RPH3A: variants seen among roughly 807,000 people sequenced by gnomAD.
RPH3A encodes the protein rabphilin 3A, also known as rabphilin-3A.
RPH3A carries 48 observed loss-of-function variants against 102.2 expected under a neutral mutation model. The ratio of observed to expected loss-of-function variants is 0.47; its 90% CI spans 0.37 to 0.60. The LOEUF (loss-of-function observed/expected upper bound fraction) is 0.60. RPH3A is among the 20% of genes least tolerant of loss of function. The pLI, the probability that RPH3A is intolerant of heterozygous loss-of-function variation, is 0.00. For missense variants in RPH3A, 781 were observed against 910.1 expected (o/e 0.86, Z 1.83); for synonymous variants, 310 against 324.3 (o/e 0.96, Z 0.47).
At chr12:112,782,018 A>T (rs186604844) in intron 1 of RPH3A, among the ~76,000 whole-genome samples, 12 of 152,354 alleles carry the variant, frequency 7.9e-5, no homozygotes, top group Non-Finnish European at 1.5e-4. Flanking sequence ...GATACAGGCT[A>T]TTATGGAAGC....
chr12:112,879,284 T>C (rs2042864323), intron 14 of RPH3A, 86 bp downstream of exon 14: 1 of 1,118,188 alleles, frequency 8.9e-7, no homozygotes. Context: ...ACCAGGCCTG[T>C]CTCCTGTTGT....
At chr12:112,765,089 A>G (rs1173265263) in intron 1 of RPH3A, among the ~76,000 whole-genome samples, 2 of 152,132 alleles carry the variant, frequency 1.3e-5, no homozygotes, top group Non-Finnish European at 2.9e-5. Context: ...CCTCTTCCTG[A>G]AGACTCTGTA....
chr12:112,882,223 A>G (rs1332601629), intron 15 of RPH3A, among the ~76,000 whole-genome samples: 3 of 152,178 alleles, frequency 2.0e-5, no homozygotes, highest in Non-Finnish European at 4.4e-5. Context: ...CTCAATAGAA[A>G]TGAGTGGCTC....
chr12:112,684,529 A>G (rs2040249410), intron 1 of RPH3A, among the ~76,000 whole-genome samples: 1 of 152,064 alleles, frequency 6.6e-6, no homozygotes, highest in African/African-American at 2.4e-5. Flanking sequence ...CAGCCTCCCA[A>G]GGTACTGGAG....
intron 1 of RPH3A, among the ~76,000 whole-genome samples, chr12:112,716,114 T>G (rs1458018875): frequency 6.6e-6 from 1 of 152,230 alleles, no homozygotes; most frequent in Non-Finnish European, 1.5e-5. Context: ...TTACTTTTGT[T>G]GCCATCTTGG....
chr12:112,711,899 C>T (rs535669222), intron 1 of RPH3A, among the ~76,000 whole-genome samples: 43 of 152,146 alleles, frequency 2.8e-4, no homozygotes, highest in Non-Finnish European at 5.0e-4. Flanking sequence ...ATGGTGCGAT[C>T]TCAGCTCACT....
chr12:112,679,859 A>C lies in RPH3A; in HGVS notation c.-140+104540A>C, dbSNP rs1425118101. On this transcript the variant is annotated intron_variant, in intron 1 of 21. Transcript: ENST00000543106. ...GTGGGCAAAACCCATGGGAACAAAC[A>C]AGTAAGCAATGATGAATGTGCTGAG... is the stretch of plus-strand genomic sequence containing the variant. 2.6e-5 allele frequency among the ~76,000 whole-genome samples: 4 copies of C among 152,234 alleles called. No homozygotes were observed. In the East Asian group the frequency reaches 7.7e-4, roughly 29 times the overall value.
chr12:112,837,880 CCCCT>C (rs1293862716), intron 4 of RPH3A: 8 of 450,246 alleles, frequency 1.8e-5, no homozygotes, highest in Non-Finnish European at 2.7e-5. Flanking sequence ...CCCTCCTTCC[CCCCT>C]CCCTCCCTCC....
chr12:112,868,658 A>G, intron 8 of RPH3A, 63 bp downstream of exon 8: 1 of 1,542,942 alleles, frequency 6.5e-7, no homozygotes, highest in Non-Finnish European at 8.8e-7. Flanking sequence ...GGTCTACCTG[A>G]GGGATGGCCT....
intron 1 of RPH3A, among the ~76,000 whole-genome samples, chr12:112,692,857 A>G (rs909727310): frequency 1.3e-5 from 2 of 152,212 alleles, no homozygotes; most frequent in South Asian, 2.1e-4. Flanking sequence ...CTTGTGGAGC[A>G]TGAAGACAAG....
intron 1 of RPH3A, among the ~76,000 whole-genome samples, chr12:112,619,831 G>A (rs368486741): frequency 3.9e-5 from 6 of 152,006 alleles, no homozygotes; most frequent in South Asian, 4.2e-4. Context: ...TCTTTTTAGT[G>A]GCATAATAAT....
At chr12:112,891,105 C>T in intron 19 of RPH3A, 102 bp downstream of exon 19, 4 of 1,366,904 alleles carry the variant, frequency 2.9e-6, no homozygotes, top group Non-Finnish European at 4.0e-6. Flanking sequence ...ACACTGAGAC[C>T]CAGAGAGGGC....
intron 1 of RPH3A, among the ~76,000 whole-genome samples, chr12:112,777,460 T>C (rs1405072169): frequency 6.6e-6 from 1 of 152,204 alleles, no homozygotes; most frequent in Non-Finnish European, 1.5e-5. Flanking sequence ...CGCCACTGTG[T>C]GTTAGCCTCC....
At chr12:112,577,116 C>A (rs935766490) in intron 1 of RPH3A, among the ~76,000 whole-genome samples, 6 of 151,050 alleles carry the variant, frequency 4.0e-5, no homozygotes, top group East Asian at 1.9e-4. Flanking sequence ...GGATCTCATG[C>A]AAAAAAAATT....
At chr12:112,877,496 G>C (rs2042829419) in intron 13 of RPH3A, among the ~76,000 whole-genome samples, 1 of 151,088 alleles carries the variant, frequency 6.6e-6, no homozygotes, top group Admixed American at 6.7e-5. Flanking sequence ...GGTGTGCCTG[G>C]GGCAGACTTT....
intron 1 of RPH3A, among the ~76,000 whole-genome samples, chr12:112,726,111 T>C (rs1403672446): frequency 8.9e-6 from 1 of 112,562 alleles, no homozygotes; most frequent in Non-Finnish European, 1.8e-5. Context: ...TTCGGGGGGG[T>C]GGGGGGTGTA....
chr12:112,746,415 A>G (rs2040746599), intron 1 of RPH3A, among the ~76,000 whole-genome samples: 2 of 152,098 alleles, frequency 1.3e-5, no homozygotes, highest in African/African-American at 4.8e-5. Flanking sequence ...TGTAGAAGCC[A>G]GACCTCCAAA....
At chr12:112,865,360 T>C in intron 5 of RPH3A, 54 bp from the exon 6 acceptor site, 1 of 1,597,592 alleles carries the variant, frequency 6.3e-7, no homozygotes, top group Non-Finnish European at 8.5e-7. Context: ...CTGTGGGGTA[T>C]GCTGGTGGTC....
Position 112,898,867 on chromosome 12 carries a change from G to A in RPH3A, c.*2087G>A, listed in dbSNP as rs2043232385. 1 of 152,260 alleles carries A rather than the reference G, an allele frequency of 6.6e-6. No individual in the cohort carries two copies. The highest frequency in any genetic ancestry group is 2.1e-4 in the South Asian group (1 of 4,834). The allele number at this position is 152,260 out of a possible 1,614,324, so 9.4% of individuals were successfully genotyped here. A position where few individuals can be genotyped will look rare whatever the true frequency, so the allele number is the denominator to read the frequency against. The stretch of plus-strand genomic sequence containing the variant: ...GATGATGTAGCCAAAAATAAAGTAG[G>A]AGCATCCAAGAAAACGAGTGGTCTG... On this transcript the variant is annotated 3_prime_UTR_variant, in exon 22 of 22. Coordinates refer to ENST00000389385, the MANE Select transcript of RPH3A (RefSeq NM_001143854.2).
Sources: gnomAD v4.1 joint callset for allele counts (sites outside exome capture counted in the v4.1 genomes callset) on GRCh38, gnomAD v4.1.1 for gene constraint, MANE v1.5 for transcripts, NCBI Gene and HGNC (gene_info 2026-07-23, HGNC 2026-07-21) for gene names.